The following INPP5B variants were observed in gnomAD, a reference collection of about 807,000 sequenced individuals.
INPP5B encodes the protein inositol polyphosphate-5-phosphatase B.
A neutral mutation model predicts 118.5 loss-of-function variants in INPP5B; 90 were observed. The observed-to-expected ratio is 0.76, with a 90% CI of 0.64 to 0.90. INPP5B has a LOEUF of 0.90. Ranked by LOEUF, INPP5B falls within the 40% of genes least tolerant of loss-of-function variation. The pLI is 0.00. For missense variants in INPP5B, 984 were observed against 1,125.6 expected, an observed-to-expected ratio of 0.87 and a Z score of 1.80; for synonymous variants, 385 against 418.9, an observed-to-expected ratio of 0.92 and a Z score of 0.99.
chr1:37,940,988 C>A (rs1034537962), intron 5 of INPP5B, among the ~76,000 whole-genome samples, 190 bp from the exon 6 acceptor site: 1 of 152,106 alleles, frequency 6.6e-6, no homozygotes, highest in Non-Finnish European at 1.5e-5. Flanking sequence ...TTAACATCAT[C>A]CCCTCTTTAT....
intron 7 of INPP5B, among the ~76,000 whole-genome samples, chr1:37,903,284 G>GA (rs1169617449): frequency 6.6e-6 from 1 of 152,144 alleles, no homozygotes; most frequent in Non-Finnish European, 1.5e-5. Context: ...ATGGCCACGA[G>GA]AATGACCTAG....
intron 7 of INPP5B, among the ~76,000 whole-genome samples, chr1:37,924,663 T>C (rs1185378694): frequency 1.3e-5 from 2 of 151,848 alleles, no homozygotes; most frequent in African/African-American, 4.8e-5. Flanking sequence ...TCCCAGCACT[T>C]TGGGAGGCAG....
chr1:37,890,137 G>A (rs1212719702), intron 8 of INPP5B, among the ~76,000 whole-genome samples: 1 of 152,094 alleles, frequency 6.6e-6, no homozygotes, highest in East Asian at 1.9e-4. Context: ...CACTTTGGAA[G>A]GCCAAGGGAG....
chr1:37,889,268 C>A (rs767093278), intron 9 of INPP5B, among the ~76,000 whole-genome samples: 10 of 152,194 alleles, frequency 6.6e-5, no homozygotes, highest in Middle Eastern at 3.4e-3. Flanking sequence ...ATAAAAGAAT[C>A]AGGATGGCGC....
At chr1:37,868,377 C>T (rs1474531364) in intron 20 of INPP5B, 124 bp downstream of exon 20, 2 of 649,892 alleles carry the variant, frequency 3.1e-6, no homozygotes, top group Non-Finnish European at 5.6e-6. Flanking sequence ...TACTATCTAT[C>T]CTTCCTCCCC....
At chr1:37,897,096 C>A (rs557347664) in intron 7 of INPP5B, among the ~76,000 whole-genome samples, 26 of 147,902 alleles carry the variant, frequency 1.8e-4, no homozygotes, top group Admixed American at 5.4e-4. Flanking sequence ...GCCGCCCCGT[C>A]CAGGAGGGAG....
Position 37,891,417 on chromosome 1 carries a change from C to T in INPP5B, c.570G>A (p.Lys190=). Residue 190 remains lysine, a synonymous_variant, in exon 8 of 24, where the codon AAG becomes AAA. Coordinates refer to ENST00000373024, the MANE Select transcript of INPP5B (RefSeq NM_005540.3). ...TGGAGCTTTGGTCCATAGGCACTCC[C>T]TTCCCATTTGGTCTCAAACCATCAA... The part of the protein sequence containing the change: ...SNFDGLRPNG[K]GVPMDQSSRG... The T allele has an allele frequency of 6.2e-7, 1 of 1,614,008 alleles. No homozygotes were observed. Among genetic ancestry groups the T allele is most frequent in the Non-Finnish European group, 8.5e-7 (1 of 1,179,946 alleles).
At chr1:37,887,243 G>A (rs1643597136) in intron 11 of INPP5B, 108 bp downstream of exon 11, 5 of 818,912 alleles carry the variant, frequency 6.1e-6, no homozygotes, top group Non-Finnish European at 1.0e-5. Context: ...AAAATTGCGG[G>A]ATAATTAAGA....
At chr1:37,888,205 C>T (rs962955229) in intron 10 of INPP5B, 38 bp downstream of exon 10, 2 of 1,292,722 alleles carry the variant, frequency 1.5e-6, no homozygotes, top group East Asian at 5.5e-5. Context: ...GCTCTGTGTG[C>T]TTGAAGATGG....
In INPP5B at chr1:37,868,503, G is replaced by A; in HGVS notation, c.2299C>T (p.Gln767Ter). ...VDYLYRNAVQ[Q>*]EDLFQQPGLR... is the part of the protein sequence containing the mutation. ...CTGAATGCTTAAACACAACCTACCT[G>A]CTGGACAGCATTTCGGTACAGGTAA... The change falls in exon 20 of 24, where the codon CAG becomes TAG. Residue 767 changes from glutamine to a stop codon, truncating the protein, a stop_gained and splice_region_variant. Coordinates refer to ENST00000373024, the MANE Select transcript of INPP5B (RefSeq NM_005540.3). LOFTEE classifies it high-confidence loss of function. 1 of 1,609,562 alleles carries A rather than the reference G, an allele frequency of 6.2e-7. No individual in the cohort carries two copies.
rs1643974608 is a variant in INPP5B, at chr1:37,895,042, T to G, written c.533-3588A>C. 1.3e-5 allele frequency among the ~76,000 whole-genome samples: 2 copies of G among 152,232 alleles called. 1 individual carries two copies. Among genetic ancestry groups the G allele is most frequent in the South Asian group, 4.1e-4 (2 of 4,832 alleles). Reference sequence around the variant, plus strand: ...CTAGAAATGCAATCCCCAGCTGGATTCTACTTCTCTTTCTTTACTCTCACT... The same window carrying G: ...CTAGAAATGCAATCCCCAGCTGGATGCTACTTCTCTTTCTTTACTCTCACT... On this transcript the variant is annotated intron_variant, in intron 7 of 23. Coordinates refer to ENST00000373024, the MANE Select transcript of INPP5B (RefSeq NM_005540.3).
intron 5 of INPP5B, among the ~76,000 whole-genome samples, chr1:37,941,342 C>T (rs28435150): frequency 0.44 from 66,813 of 151,942 alleles, 17,211 homozygotes; most frequent in Non-Finnish European, 0.58. Context: ...AGCAACCTAG[C>T]AGAGCGATTA....
chr1:37,910,803 A>G (rs1195709472), intron 7 of INPP5B, among the ~76,000 whole-genome samples: 3 of 152,154 alleles, frequency 2.0e-5, no homozygotes, highest in Admixed American at 6.6e-5. Flanking sequence ...CCTATCGACC[A>G]AATTGTCTTG....
intron 7 of INPP5B, among the ~76,000 whole-genome samples, chr1:37,916,765 A>T (rs1644880585): frequency 6.6e-6 from 1 of 152,128 alleles, no homozygotes; most frequent in South Asian, 2.1e-4. Flanking sequence ...AAAATAAATA[A>T]ATTCAAACCA....
intron 7 of INPP5B, among the ~76,000 whole-genome samples, chr1:37,896,483 C>CCCCCGCCCGGCCAGCCG (rs1644078918): frequency 6.7e-6 from 1 of 148,914 alleles, no homozygotes; most frequent in Non-Finnish European, 1.5e-5. Context: ...GGGGATCAGC[C>CCCCCGCCCGGCCAGCCG]CCCCGCCCGG....
chr1:37,902,696 T>TAC (rs1276022921), intron 7 of INPP5B, among the ~76,000 whole-genome samples: 1 of 152,084 alleles, frequency 6.6e-6, no homozygotes, highest in Non-Finnish European at 1.5e-5. Context: ...TATCTGGGAT[T>TAC]ACAGGCATGT....
chr1:37,879,034 GA>G (rs200127965), intron 15 of INPP5B, among the ~76,000 whole-genome samples: 35,484 of 150,582 alleles, frequency 0.24, 4,744 homozygotes, highest in Non-Finnish European at 0.29. Flanking sequence ...AAGGCAGGGG[GA>G]TCATGAGGTC....
intron 13 of INPP5B, chr1:37,883,755 T>C: frequency 1.2e-5 from 12 of 985,416 alleles, no homozygotes; most frequent in Non-Finnish European, 1.4e-5. Flanking sequence ...AACCATCCTG[T>C]CAGCTTCCAG....
intron 7 of INPP5B, among the ~76,000 whole-genome samples, chr1:37,895,291 T>A (rs1394377286): frequency 6.6e-6 from 1 of 152,134 alleles, no homozygotes; most frequent in African/African-American, 2.4e-5. Context: ...AGTTAAACAG[T>A]CTTACCATAT....
Sources: gnomAD v4.1 joint callset for allele counts (sites outside exome capture counted in the v4.1 genomes callset) on GRCh38, gnomAD v4.1.1 for gene constraint, MANE v1.5 for transcripts, NCBI Gene and HGNC (gene_info 2026-07-23, HGNC 2026-07-21) for gene names.